The following RBFOX1 variants were observed in gnomAD, a reference collection of about 807,000 sequenced individuals.
RBFOX1 encodes RNA binding protein fox-1 homolog 1.
Under a neutral mutation model 57.7 loss-of-function variants are expected in RBFOX1, and 8 were observed. The ratio of observed to expected loss-of-function variants is 0.14; its 90% confidence interval spans 0.08 to 0.25. RBFOX1 has a LOEUF of 0.25. Ranked by LOEUF, RBFOX1 falls within the 10% of genes least tolerant of loss-of-function variation. RBFOX1 has a pLI of 1.00. For synonymous variants in RBFOX1, 326 were observed against 222.4 expected (o/e 1.47, Z -4.15); for missense variants, 611 against 548.5 (o/e 1.11, Z -1.14).
At chr16:5,240,962 G>C (rs2062152150) in intron 1 of RBFOX1, among the ~76,000 whole-genome samples, 1 of 152,236 alleles carries the variant, frequency 6.6e-6, no homozygotes, top group African/African-American at 2.4e-5. Context: ...CCGCCACCTT[G>C]ATGGTTTTTG....
intron 4 of RBFOX1, among the ~76,000 whole-genome samples, chr16:5,868,529 A>G (rs535987688): frequency 6.6e-6 from 1 of 152,354 alleles, no homozygotes; most frequent in Admixed American, 6.5e-5. Flanking sequence ...GGATTCTGCA[A>G]ACACCTAAGG....
At chr16:6,326,873 G>A (rs2082431830) in intron 2 of RBFOX1, among the ~76,000 whole-genome samples, 1 of 152,136 alleles carries the variant, frequency 6.6e-6, no homozygotes, top group Non-Finnish European at 1.5e-5. Flanking sequence ...GCCGGTGCAG[G>A]TGTGGCTCCA....
chr16:6,516,104 C>T (rs1020386286), intron 2 of RBFOX1, among the ~76,000 whole-genome samples: 9 of 152,138 alleles, frequency 5.9e-5, no homozygotes, highest in African/African-American at 2.2e-4. Context: ...TCTTGGCTCA[C>T]TGTAACTTCC....
intron 2 of RBFOX1, among the ~76,000 whole-genome samples, chr16:6,336,475 C>G (rs1362602757): frequency 6.6e-6 from 1 of 151,954 alleles, no homozygotes; most frequent in Non-Finnish European, 1.5e-5. Flanking sequence ...AATGTCAGAG[C>G]TAGCTTTGAA....
At chr16:5,837,417 G>T (rs909241088) in intron 3 of RBFOX1, among the ~76,000 whole-genome samples, 2 of 152,030 alleles carry the variant, frequency 1.3e-5, no homozygotes, top group Non-Finnish European at 2.9e-5. Context: ...CCCAGTCCAA[G>T]TCTGACTCAG....
chr16:5,257,477 T>C (rs1183600475), intron 1 of RBFOX1, among the ~76,000 whole-genome samples: 1 of 152,168 alleles, frequency 6.6e-6, no homozygotes, highest in Non-Finnish European at 1.5e-5. Flanking sequence ...CTTCCCATCC[T>C]TTTCCTTGTT....
chr16:5,511,676 A>G (rs1026407651), intron 2 of RBFOX1, among the ~76,000 whole-genome samples: 12 of 152,206 alleles, frequency 7.9e-5, no homozygotes, highest in African/African-American at 2.7e-4. Flanking sequence ...AGTTAAAGCA[A>G]CTAGCCCAGA....
At chr16:7,242,180 C>T (rs1344549595) in intron 4 of RBFOX1, among the ~76,000 whole-genome samples, 1 of 152,106 alleles carries the variant, frequency 6.6e-6, no homozygotes, top group Non-Finnish European at 1.5e-5. Context: ...GTAGGTCATG[C>T]ACTTACTGTA....
intron 4 of RBFOX1, among the ~76,000 whole-genome samples, chr16:7,488,417 C>G (rs1241830176): frequency 7.1e-6 from 1 of 139,874 alleles, no homozygotes; most frequent in Non-Finnish European, 1.5e-5. Context: ...CTACTGTCTG[C>G]CTGTCTATCT....
intron 3 of RBFOX1, among the ~76,000 whole-genome samples, chr16:6,893,747 T>A (rs540311673): frequency 6.6e-6 from 1 of 152,234 alleles, no homozygotes; most frequent in Non-Finnish European, 1.5e-5. Flanking sequence ...GCATTTATCA[T>A]GAAGACCAAA....
intron 3 of RBFOX1, among the ~76,000 whole-genome samples, chr16:6,928,473 C>CTTG (rs2075999593): frequency 2.6e-5 from 4 of 152,006 alleles, no homozygotes; most frequent in African/African-American, 9.7e-5. Flanking sequence ...AAAGAACGTT[C>CTTG]AACTCAGAAA....
chr16:6,882,389 C>G (rs918097455), intron 3 of RBFOX1, among the ~76,000 whole-genome samples: 1 of 152,014 alleles, frequency 6.6e-6, no homozygotes, highest in African/African-American at 2.4e-5. Flanking sequence ...CTCTGATTCT[C>G]TCTCTTCCCA....
At chr16:7,527,963 A>G (rs1239299050) in intron 5 of RBFOX1, among the ~76,000 whole-genome samples, 1 of 152,200 alleles carries the variant, frequency 6.6e-6, no homozygotes, top group African/African-American at 2.4e-5. Flanking sequence ...GTAATTTTGT[A>G]TTTAATGATT....
intron 3 of RBFOX1, among the ~76,000 whole-genome samples, chr16:5,775,276 C>T (rs74910050): frequency 0.031 from 4,775 of 152,186 alleles, 255 homozygotes; most frequent in African/African-American, 0.11. Flanking sequence ...CAACTAACAT[C>T]CCCCTTCTCA....
At chr16:5,492,923 T>C (rs933097055) in intron 2 of RBFOX1, among the ~76,000 whole-genome samples, 1 of 152,254 alleles carries the variant, frequency 6.6e-6, no homozygotes, top group Non-Finnish European at 1.5e-5. Flanking sequence ...TGTGGAATCC[T>C]GTTCACTTCT....
intron 2 of RBFOX1, among the ~76,000 whole-genome samples, chr16:6,487,144 CTGTGTGTGTGTGTG>C (rs60180975): frequency 5.0e-4 from 70 of 140,048 alleles, no homozygotes; most frequent in Admixed American, 5.3e-4. Flanking sequence ...TGTGGGGTTT[CTGTGTGTGTGTGTG>C]TGTGTGTGTG....
Position 7,069,939 on chromosome 16 carries a change from C to T in RBFOX1, c.27+17841C>T, listed in dbSNP as rs116796897. Among the ~76,000 whole-genome samples, 1,258 of 152,304 alleles carry T rather than the reference C, an allele frequency of 8.3e-3. 15 individuals carry two copies. Among genetic ancestry groups the T allele is most frequent in the African/African-American group, 0.027 (1,112 of 41,552 alleles). ...AACGGAAACTAAAATAGTACATTCG[C>T]CATAATGAGAAACACCATAGCCTAA... On this transcript the variant is annotated intron_variant, in intron 4 of 15. Transcript: ENST00000550418.
chr16:6,129,579 G>GGA (rs975594876), intron 1 of RBFOX1, among the ~76,000 whole-genome samples: 18 of 152,030 alleles, frequency 1.2e-4, no homozygotes, highest in African/African-American at 4.3e-4. Flanking sequence ...GAGGTAGGGA[G>GGA]GAGAGAGAGA....
chr16:6,210,854 C>T (rs961097185), intron 1 of RBFOX1, among the ~76,000 whole-genome samples: 14 of 152,262 alleles, frequency 9.2e-5, no homozygotes, highest in South Asian at 2.1e-4. Flanking sequence ...CTTAAGTGAA[C>T]GGTGCAATAG....
Sources: gnomAD v4.1 joint callset for allele counts (sites outside exome capture counted in the v4.1 genomes callset) on GRCh38, gnomAD v4.1.1 for gene constraint, MANE v1.5 for transcripts, NCBI Gene and HGNC (gene_info 2026-07-23, HGNC 2026-07-21) for gene names.